Variants in ST6GALNAC5 observed in about 807,000 individuals in gnomAD.
ST6GALNAC5 encodes alpha-N-acetylgalactosaminide alpha-2,6-sialyltransferase 5.
Under a neutral mutation model 33.6 loss-of-function variants are expected in ST6GALNAC5, and 27 were observed. The ratio of observed to expected loss-of-function variants is 0.80; its 90% CI spans 0.59 to 1.11. The LOEUF (loss-of-function observed/expected upper bound fraction) is 1.11, where lower values mean the gene tolerates loss of function less well. Ranked by LOEUF, ST6GALNAC5 falls within the 50% of genes least tolerant of loss-of-function variation. The pLI, the probability that ST6GALNAC5 is intolerant of heterozygous loss-of-function variation, is 0.00. For missense variants in ST6GALNAC5, 428 were observed against 454.0 expected (o/e 0.94, Z 0.52); for synonymous variants, 194 against 171.2 (o/e 1.13, Z -1.04).
chr1:76,920,936 T>TA (rs1647028775), intron 2 of ST6GALNAC5, among the ~76,000 whole-genome samples: 1 of 152,148 alleles, frequency 6.6e-6, no homozygotes, highest in Non-Finnish European at 1.5e-5. Context: ...TAGTCATACT[T>TA]AAGGTACGGT....
intron 2 of ST6GALNAC5, among the ~76,000 whole-genome samples, chr1:76,993,353 A>G (rs988807024): frequency 6.6e-6 from 1 of 152,226 alleles, no homozygotes; most frequent in Non-Finnish European, 1.5e-5. Context: ...AAATTTGGAA[A>G]ATAGCAAGAA....
In ST6GALNAC5 at chr1:76,868,821, T is replaced by C. The variant is rs1323698732; in HGVS notation, c.261+79T>C. 1 of 1,429,654 alleles carries C rather than the reference T, an allele frequency of 7.0e-7. No homozygotes were observed. 88.6% of individuals were successfully genotyped at this position (1,429,654 alleles called of 1,614,324 possible). ...CTGAGCCTTCCCCCTTTCCCGGGGCTGGGAGGCGCTGTGAGTAGGTGCCGT... is the reference window on the plus strand; with the variant it reads ...CTGAGCCTTCCCCCTTTCCCGGGGCCGGGAGGCGCTGTGAGTAGGTGCCGT... On this transcript the variant is annotated intron_variant, in intron 2 of 4. Transcript: ENST00000477717. This position sits in a 1 kb window ranked among gnomAD's most constrained non-coding sequence, Gnocchi z 4.3.
In ST6GALNAC5 at chr1:77,067,450, G is replaced by T. The variant is rs1206414847; in HGVS notation, c.*4244G>T. On this transcript the variant is annotated 3_prime_UTR_variant, in exon 5 of 5. Transcript: ENST00000477717. ...AGATTGTAAGCTCCTTGAGGGCAGA[G>T]ACTCTTTCTCCTTTGTCTCTGCAGC... 6.6e-6 allele frequency among the ~76,000 whole-genome samples: 1 copy of T among 152,174 alleles called. No individual in the cohort carries two copies. Among genetic ancestry groups the T allele is most frequent in the Non-Finnish European group, 1.5e-5 (1 of 68,016 alleles).
intron 2 of ST6GALNAC5, among the ~76,000 whole-genome samples, chr1:76,914,513 A>G (rs1423726088): frequency 6.6e-6 from 1 of 152,178 alleles, no homozygotes; most frequent in Non-Finnish European, 1.5e-5. Context: ...ATGGAACACA[A>G]CAGAGCCCTC....
intron 2 of ST6GALNAC5, among the ~76,000 whole-genome samples, chr1:77,005,112 G>A (rs1373290706): frequency 1.3e-5 from 2 of 152,148 alleles, no homozygotes; most frequent in Non-Finnish European, 2.9e-5. Context: ...CTTGCAGTTT[G>A]ATCTCAGACT....
At chr1:77,057,898 G>A (rs1439482993) in intron 4 of ST6GALNAC5, among the ~76,000 whole-genome samples, 2 of 152,184 alleles carry the variant, frequency 1.3e-5, no homozygotes, top group African/African-American at 4.8e-5. Flanking sequence ...GAGTCAAAAA[G>A]TGGAACATTA....
intron 4 of ST6GALNAC5, among the ~76,000 whole-genome samples, chr1:77,058,877 G>T (rs954777299): frequency 6.6e-6 from 1 of 152,158 alleles, no homozygotes; most frequent in Non-Finnish European, 1.5e-5. Flanking sequence ...TCAAATGGGA[G>T]CTGCAATACT....
chr1:76,989,646 T>C lies in ST6GALNAC5; in HGVS notation c.262-54558T>C, dbSNP rs191489724. Among the ~76,000 whole-genome samples the C allele has an allele frequency of 2.6e-5, 4 of 152,316 alleles. No individual in the cohort carries two copies. The East Asian group carries it at 7.7e-4, about 29-fold the overall frequency. On this transcript the variant is annotated intron_variant, in intron 2 of 4. Transcript: ENST00000477717. ...TTTCTTGAGGCAGGACCAGGTCAGC[T>C]TTCCTGTCTAGCATGCTTGCCCAGT...
At chr1:76,937,449 G>A (rs1647221514) in intron 2 of ST6GALNAC5, among the ~76,000 whole-genome samples, 1 of 152,024 alleles carries the variant, frequency 6.6e-6, no homozygotes, top group Non-Finnish European at 1.5e-5. Context: ...ACTTCATGAT[G>A]AAGTTTTTAG....
At chr1:76,989,319 T>C (rs1649630644) in intron 2 of ST6GALNAC5, among the ~76,000 whole-genome samples, 1 of 152,060 alleles carries the variant, frequency 6.6e-6, no homozygotes, top group African/African-American at 2.4e-5. Context: ...TCCTTAGTTG[T>C]GCAAGCTCAT....
chr1:76,886,676 A>G (rs1653903447), intron 2 of ST6GALNAC5, among the ~76,000 whole-genome samples: 1 of 151,992 alleles, frequency 6.6e-6, no homozygotes, highest in Non-Finnish European at 1.5e-5. Flanking sequence ...CCAAACGGAG[A>G]CTCTGTAATA....
chr1:77,023,153 A>G (rs1402054883), intron 2 of ST6GALNAC5, among the ~76,000 whole-genome samples: 1 of 152,122 alleles, frequency 6.6e-6, no homozygotes, highest in East Asian at 1.9e-4. Context: ...CTCAGAAGAA[A>G]CCCAATCTGC....
intron 2 of ST6GALNAC5, among the ~76,000 whole-genome samples, chr1:76,986,368 C>G (rs1489375659): frequency 6.6e-6 from 1 of 152,194 alleles, no homozygotes; most frequent in East Asian, 1.9e-4. Flanking sequence ...TGAACAGACA[C>G]TTCTCAAAAG....
At chr1:76,944,678 A>G (rs1307810091) in intron 2 of ST6GALNAC5, among the ~76,000 whole-genome samples, 2 of 152,146 alleles carry the variant, frequency 1.3e-5, no homozygotes, top group African/African-American at 2.4e-5. Context: ...ATAAGCCAGC[A>G]CATTGTCTAT....
In ST6GALNAC5 at chr1:76,868,582, A is replaced by C; in HGVS notation, c.101A>C (p.Glu34Ala). ...TACAGCAGCCTCGGCGGCCAGAAGG[A>C]GCGGCCCCCGCAGCAGCAGCAGCAG... is the stretch of plus-strand genomic sequence containing the variant. ...LVYSSLGGQK[E>A]RPPQQQQQQQ... Residue 34 changes from glutamate to alanine, a missense_variant, in exon 2 of 5, where the codon GAG (glutamate) becomes GCG (alanine). Physicochemically the swap from Glu to Ala is moderately radical, Grantham distance 107. Coordinates refer to ENST00000477717, the MANE Select transcript of ST6GALNAC5 (RefSeq NM_030965.3). The surrounding 1 kb of genome is among the most constrained non-coding windows in gnomAD (Gnocchi z 4.3). The C allele has an allele frequency of 6.2e-7, 1 of 1,612,240 alleles. No individual in the cohort carries two copies. The highest frequency in any genetic ancestry group is 8.5e-7 in the Non-Finnish European group (1 of 1,179,526).
intron 2 of ST6GALNAC5, among the ~76,000 whole-genome samples, chr1:76,946,686 T>C (rs2100331939): frequency 6.6e-6 from 1 of 152,234 alleles, no homozygotes; most frequent in Non-Finnish European, 1.5e-5. Context: ...AGAGTTGCGG[T>C]TGTTTAGTTT....
chr1:76,965,610 A>G (rs1434035820), intron 2 of ST6GALNAC5, among the ~76,000 whole-genome samples: 1 of 152,150 alleles, frequency 6.6e-6, no homozygotes, highest in Non-Finnish European at 1.5e-5. Flanking sequence ...TCTTTAGTTT[A>G]ATTAGATCCC....
intron 2 of ST6GALNAC5, among the ~76,000 whole-genome samples, chr1:76,940,671 T>C (rs1647312189): frequency 6.6e-6 from 1 of 151,996 alleles, no homozygotes; most frequent in African/African-American, 2.4e-5. Context: ...CTAGAGAAAG[T>C]CTGCTGGACC....
chr1:77,052,917 C>CAAAAAAAAAAAAAAAAAA (rs34398611), intron 4 of ST6GALNAC5, among the ~76,000 whole-genome samples: 2 of 69,978 alleles, frequency 2.9e-5, no homozygotes, highest in Non-Finnish European at 5.2e-5. Context: ...GGCTCTGTCT[C>CAAAAAAAAAAAAAAAAAA]AAAAAAAAAA....
Sources: gnomAD v4.1 joint callset for allele counts (sites outside exome capture counted in the v4.1 genomes callset) on GRCh38, gnomAD v4.1.1 for gene constraint, Gnocchi (gnomAD v3.1) non-coding constraint, MANE v1.5 for transcripts, NCBI Gene and HGNC (gene_info 2026-07-23, HGNC 2026-07-21) for gene names.